The following ERICH5 variants were observed in gnomAD, a reference collection of about 807,000 sequenced individuals.
The protein encoded by ERICH5 is glutamate rich 5, also known as glutamate-rich protein 5.
Under a neutral mutation model 28.0 loss-of-function variants are expected in ERICH5, and 24 were observed. The ratio of observed to expected loss-of-function variants is 0.86; its 90% CI spans 0.62 to 1.21. The LOEUF (loss-of-function observed/expected upper bound fraction) is 1.21, where lower values mean the gene tolerates loss of function less well. ERICH5 is among the 50% of genes most tolerant of loss of function. The pLI, the probability that ERICH5 is intolerant of heterozygous loss-of-function variation, is 0.00. For synonymous variants in ERICH5, 163 were observed against 157.6 expected, an observed-to-expected ratio of 1.03 and a Z score of -0.25; for missense variants, 421 against 441.2, an observed-to-expected ratio of 0.95 and a Z score of 0.41.
At chr8:98,074,309 C>G (rs764980375) in intron 1 of ERICH5, among the ~76,000 whole-genome samples, 1 of 151,978 alleles carries the variant, frequency 6.6e-6, no homozygotes, top group African/African-American at 2.4e-5. Context: ...AAGTGGTATG[C>G]GAATGGCTAC....
Position 98,089,249 on chromosome 8 carries a change from C to T in ERICH5, c.232C>T (p.Pro78Ser), listed in dbSNP as rs1264085270. 5 of 1,614,088 alleles carry T rather than the reference C, an allele frequency of 3.1e-6. No homozygotes were observed. The highest frequency in any genetic ancestry group is 4.2e-6 in the Non-Finnish European group (5 of 1,180,054). The change falls in exon 2 of 3, where the codon CCC becomes TCC. Residue 78 changes from proline (P) to serine (S), a missense_variant. By Grantham distance (74) the Pro-to-Ser change is moderately conservative. Coordinates refer to ENST00000318528, the MANE Select transcript of ERICH5 (RefSeq NM_173549.3). ...AGAGCCTACAGCTAATGGTGTTAAA[C>T]CCCTCCAAGAACAGCCCCTGGCCAA... ...SAEPTANGVK[P>S]LQEQPLAKDV... is the part of the protein sequence containing the mutation.
chr8:98,075,977 C>T (rs1307204982), intron 1 of ERICH5, among the ~76,000 whole-genome samples: 2 of 151,562 alleles, frequency 1.3e-5, no homozygotes, highest in East Asian at 1.9e-4. Context: ...ACACAGTGAC[C>T]GAACCTGGCA....
chr8:98,075,552 G>T (rs1815034091), intron 1 of ERICH5, among the ~76,000 whole-genome samples: 1 of 152,110 alleles, frequency 6.6e-6, no homozygotes, highest in African/African-American at 2.4e-5. Context: ...GCATGTAGGT[G>T]CCTAACCTGA....
chr8:98,091,900 C>CTTTCTTTCTTCCTTT, intron 2 of ERICH5, among the ~76,000 whole-genome samples: 1 of 74,676 alleles, frequency 1.3e-5, no homozygotes, highest in African/African-American at 5.6e-5. Context: ...TTCTTTCTTT[C>CTTTCTTTCTTCCTTT]CTTTCTTTCT....
intron 1 of ERICH5, among the ~76,000 whole-genome samples, chr8:98,078,792 T>C (rs1462819223): frequency 6.6e-6 from 1 of 152,192 alleles, no homozygotes; most frequent in Non-Finnish European, 1.5e-5. Flanking sequence ...AGTGTATGAT[T>C]TGATGAAATG....
intron 1 of ERICH5, among the ~76,000 whole-genome samples, chr8:98,083,525 C>T (rs1815217656): frequency 6.6e-6 from 1 of 152,102 alleles, no homozygotes; most frequent in African/African-American, 2.4e-5. Context: ...TGCTTCTCTA[C>T]TTCCAGCTCT....
chr8:98,072,857 A>T (rs1586198873), intron 1 of ERICH5, among the ~76,000 whole-genome samples: 3 of 150,936 alleles, frequency 2.0e-5, no homozygotes. Context: ...TTTGTCTTTT[A>T]TTTTTTTTCT....
intron 1 of ERICH5, among the ~76,000 whole-genome samples, chr8:98,065,645 G>A (rs28633826): frequency 0.016 from 2,441 of 152,288 alleles, 57 homozygotes; most frequent in African/African-American, 0.056. Context: ...ATGAATTAGA[G>A]AATGACAGGG....
rs759973867 is a variant in ERICH5 at position 98,089,573 on chromosome 8, A to T, written c.556A>T (p.Lys186Ter). The change falls in exon 2 of 3, where the codon AAG (lysine) becomes TAG (stop). Residue 186 changes from lysine to a stop codon, truncating the protein, a stop_gained. Transcript: ENST00000318528. LOFTEE classifies it high-confidence loss of function. ...TENPQTAAEMKPLGTTENVLT... is the reference protein window; with the variant it reads ...TENPQTAAEM Reference sequence around the variant, plus strand: ...GAATCCACAAACTGCTGCAGAGATGAAGCCTCTAGGAACAACTGAGAACGT... The same window carrying T: ...GAATCCACAAACTGCTGCAGAGATGTAGCCTCTAGGAACAACTGAGAACGT... The T allele has an allele frequency of 2.5e-6, 4 of 1,614,198 alleles. No individual in the cohort carries two copies. The South Asian group carries it at 4.4e-5, about 18-fold the overall frequency.
At chr8:98,088,774 AGAGTAAG>A (rs1815325295) in intron 1 of ERICH5, among the ~76,000 whole-genome samples, 1 of 152,242 alleles carries the variant, frequency 6.6e-6, no homozygotes, top group Admixed American at 6.5e-5. Flanking sequence ...AGAGAGAAAC[AGAGTAAG>A]CTCAGTTAGA....
chr8:98,092,310 GC>G (rs1292956667), intron 2 of ERICH5, among the ~76,000 whole-genome samples: 3 of 151,962 alleles, frequency 2.0e-5, no homozygotes, highest in Non-Finnish European at 4.4e-5. Context: ...GAGTAGCTGG[GC>G]GCCACCATCC....
intron 1 of ERICH5, among the ~76,000 whole-genome samples, chr8:98,084,942 GTTC>G: frequency 6.6e-6 from 1 of 151,916 alleles, no homozygotes; most frequent in Middle Eastern, 3.4e-3. Flanking sequence ...AAGAGCCACC[GTTC>G]TGCTTTCTAC....
intron 2 of ERICH5, among the ~76,000 whole-genome samples, chr8:98,091,948 T>C (rs55732562): frequency 0.022 from 392 of 17,788 alleles, 30 homozygotes; most frequent in South Asian, 0.14. Context: ...TTTCTTTCTT[T>C]CTTCTTTCTT....
intron 1 of ERICH5, among the ~76,000 whole-genome samples, chr8:98,075,228 G>A (rs745704059): frequency 1.6e-4 from 24 of 152,242 alleles, no homozygotes; most frequent in Non-Finnish European, 3.1e-4. Context: ...GATGATGGGC[G>A]AAAAGGCAGA....
At position 98,091,889 on chromosome 8, in the gene ERICH5, TTTC is replaced by T. The variant is rs1313103650; in HGVS notation, c.1013-1329_1013-1327del. 2.2e-3 allele frequency among the ~76,000 whole-genome samples: 186 copies of T among 86,302 alleles called. 5 individuals are homozygous for T. The highest frequency in any genetic ancestry group is 9.3e-3 in the South Asian group (21 of 2,250). The allele number at this position is 86,302 out of a possible 152,430, so 56.6% of individuals were successfully genotyped here. On this transcript the variant is annotated intron_variant, in intron 2 of 2. Transcript: ENST00000318528. ...CTTTCTTTCTTTCTTTCTTTCTTTC[TTTC>T]TTTCTTTCCTTTCTTTCTTTCTTTC...
At chr8:98,083,640 C>G (rs1279014704) in intron 1 of ERICH5, among the ~76,000 whole-genome samples, 3 of 152,092 alleles carry the variant, frequency 2.0e-5, no homozygotes, top group Non-Finnish European at 2.9e-5. Flanking sequence ...TCCTCATTTC[C>G]CCTCCTCACA....
At chr8:98,071,689 T>C (rs1814922344) in intron 1 of ERICH5, among the ~76,000 whole-genome samples, 1 of 151,770 alleles carries the variant, frequency 6.6e-6, no homozygotes, top group Non-Finnish European at 1.5e-5. Flanking sequence ...TCTCCAGGTG[T>C]GTTTATGTCT....
chr8:98,064,626 C>A lies in ERICH5; in HGVS notation c.-44C>A. 1 of 1,464,532 alleles carries A rather than the reference C, an allele frequency of 6.8e-7. No homozygotes were observed. The highest frequency in any genetic ancestry group is 1.3e-5 in the South Asian group (1 of 76,398). The allele number at this position is 1,464,532 out of a possible 1,614,324, so 90.7% of individuals were successfully genotyped here. A position where few individuals can be genotyped will look rare whatever the true frequency, so the allele number is the denominator to read the frequency against. ...GTTGCCTTCGGTTCCCGGTTCCGGG[C>A]CGACACCCGCGCAGGGCTGAGACAG... On this transcript the variant is annotated 5_prime_UTR_variant, in exon 1 of 3. Coordinates refer to ENST00000318528, the MANE Select transcript of ERICH5 (RefSeq NM_173549.3).
chr8:98,093,585 C>A lies in ERICH5; in HGVS notation c.*252C>A, dbSNP rs1815448659. 1 of 277,384 alleles carries A rather than the reference C, an allele frequency of 3.6e-6. No homozygotes were observed. Among genetic ancestry groups the A allele is most frequent in the Non-Finnish European group, 6.7e-6 (1 of 149,332 alleles). The allele number at this position is 277,384 out of a possible 1,614,324, so 17.2% of individuals were successfully genotyped here. ...CATTTAAAAGTATAAAAACCAAAGCCAATAAAAATGATGTGATTATTTAAG... is the reference window on the plus strand; with the variant it reads ...CATTTAAAAGTATAAAAACCAAAGCAAATAAAAATGATGTGATTATTTAAG... On this transcript the variant is annotated 3_prime_UTR_variant, in exon 3 of 3. Coordinates refer to ENST00000318528, the MANE Select transcript of ERICH5 (RefSeq NM_173549.3).
Sources: gnomAD v4.1 joint callset for allele counts (sites outside exome capture counted in the v4.1 genomes callset) on GRCh38, gnomAD v4.1.1 for gene constraint, MANE v1.5 for transcripts, NCBI Gene and HGNC (gene_info 2026-07-23, HGNC 2026-07-21) for gene names.